The following GALNT17 variants were observed in gnomAD, a reference collection of about 807,000 sequenced individuals.
GALNT17 encodes UDP-GalNAc:polypeptide N-acetylgalactosaminyltransferase-like 3.
A neutral mutation model predicts 63.7 loss-of-function variants in GALNT17; 29 were observed. That is an observed-to-expected ratio of 0.46 (90% CI 0.34 to 0.62). The LOEUF is 0.62. Among genes scored for constraint, GALNT17 ranks in the 20% least tolerant of loss-of-function variants. GALNT17 has a pLI of 0.01. For synonymous variants in GALNT17, 305 were observed against 318.3 expected, an observed-to-expected ratio of 0.96 and a Z score of 0.45; for missense variants, 603 against 799.6, an observed-to-expected ratio of 0.75 and a Z score of 2.97.
chr7:71,571,150 AGGCTGG>A, intron 5 of GALNT17, 129 bp from the exon 6 acceptor site: 1 of 658,828 alleles, frequency 1.5e-6, no homozygotes, highest in Non-Finnish European at 2.8e-6. Flanking sequence ...AGTACATGCT[AGGCTGG>A]AACCCAGTAC....
At chr7:71,206,058 T>A (rs1789265156) in intron 1 of GALNT17, among the ~76,000 whole-genome samples, 1 of 143,120 alleles carries the variant, frequency 7.0e-6, no homozygotes, top group African/African-American at 2.6e-5. Context: ...ATATATATAT[T>A]TGACATGTCT....
At chr7:71,689,924 A>C (rs142017372) in intron 9 of GALNT17, among the ~76,000 whole-genome samples, 174 of 152,336 alleles carry the variant, frequency 1.1e-3, no homozygotes, top group African/African-American at 4.1e-3. Context: ...AGGGCCCTTA[A>C]GAATGATGCT....
At chr7:71,175,861 A>T (rs558479523) in intron 1 of GALNT17, among the ~76,000 whole-genome samples, 26 of 152,296 alleles carry the variant, frequency 1.7e-4, no homozygotes, top group Non-Finnish European at 3.1e-4. Flanking sequence ...TGTTTGTGCC[A>T]CTACCCTCCA....
intron 5 of GALNT17, among the ~76,000 whole-genome samples, chr7:71,477,805 C>G (rs1207490242): frequency 6.6e-6 from 1 of 152,142 alleles, no homozygotes; most frequent in Non-Finnish European, 1.5e-5. Flanking sequence ...GCCTCTGGTG[C>G]CTAAGCCCAC....
chr7:71,689,776 A>G (rs988752181), intron 9 of GALNT17, among the ~76,000 whole-genome samples: 3 of 152,198 alleles, frequency 2.0e-5, no homozygotes, highest in Admixed American at 1.3e-4. Context: ...GGTGCTATCT[A>G]GGACTTTCCC....
rs1787707930 is a variant in GALNT17 at position 71,132,830 on chromosome 7, C to T, written c.28C>T (p.Leu10=). 1.2e-6 allele frequency: 2 copies of T among 1,611,082 alleles called. No homozygotes were observed. The highest frequency in any genetic ancestry group is 1.7e-6 in the Non-Finnish European group (2 of 1,178,536). MASLRRVKV[L]LVLNLIAVAG... The stretch of plus-strand genomic sequence containing the variant: ...GGCTTCACTGAGAAGAGTCAAAGTG[C>T]TGTTGGTGTTGAACTTGATCGCGGT... Residue 10 remains leucine, a synonymous_variant, in exon 1 of 11, where the codon CTG becomes TTG. Transcript: ENST00000333538.
intron 5 of GALNT17, among the ~76,000 whole-genome samples, chr7:71,553,053 G>C (rs1265781474): frequency 6.6e-6 from 1 of 152,094 alleles, no homozygotes; most frequent in Non-Finnish European, 1.5e-5. Flanking sequence ...AGGCTGGTGT[G>C]GTGGCTCATG....
At chr7:71,570,046 G>C (rs1246892380) in intron 5 of GALNT17, among the ~76,000 whole-genome samples, 2 of 150,570 alleles carry the variant, frequency 1.3e-5, no homozygotes, top group Non-Finnish European at 3.0e-5. Context: ...CATCTGGTGG[G>C]TTTTGTTTTT....
chr7:71,431,204 C>CTTT (rs200842106), intron 5 of GALNT17, among the ~76,000 whole-genome samples: 1 of 136,364 alleles, frequency 7.3e-6, no homozygotes, highest in Admixed American at 7.9e-5. Context: ...TTTTTCTTTT[C>CTTT]TTTTCTTTTT....
At chr7:71,257,620 G>A (rs542800391) in intron 1 of GALNT17, among the ~76,000 whole-genome samples, 4 of 152,220 alleles carry the variant, frequency 2.6e-5, no homozygotes, top group South Asian at 4.2e-4. Flanking sequence ...GCTGAACCTC[G>A]CCTTCAGGAG....
chr7:71,563,091 C>T (rs561071879), intron 5 of GALNT17, among the ~76,000 whole-genome samples: 1 of 152,336 alleles, frequency 6.6e-6, no homozygotes, highest in South Asian at 2.1e-4. Context: ...ATTTCTGTAA[C>T]AGCACCAATA....
intron 6 of GALNT17, among the ~76,000 whole-genome samples, chr7:71,657,288 T>G (rs2117032330): frequency 6.6e-6 from 1 of 152,352 alleles, no homozygotes; most frequent in South Asian, 2.1e-4. Context: ...TATCTAAATT[T>G]TTCATGTGTA....
chr7:71,289,804 G>A (rs976720028), intron 1 of GALNT17, among the ~76,000 whole-genome samples: 1 of 152,130 alleles, frequency 6.6e-6, no homozygotes, highest in African/African-American at 2.4e-5. Context: ...GCTTGAAAGG[G>A]GGAGGCGGAG....
chr7:71,172,624 A>G (rs1788566214), intron 1 of GALNT17, among the ~76,000 whole-genome samples: 1 of 152,146 alleles, frequency 6.6e-6, no homozygotes, highest in African/African-American at 2.4e-5. Flanking sequence ...TCCAGAAGAC[A>G]CCGTAAGGAC....
chr7:71,280,670 T>C (rs1160560850), intron 1 of GALNT17, among the ~76,000 whole-genome samples: 1 of 152,204 alleles, frequency 6.6e-6, no homozygotes, highest in Non-Finnish European at 1.5e-5. Flanking sequence ...CTCCAGTCTG[T>C]CCTGTAGACA....
chr7:71,628,097 A>C (rs79987171), intron 6 of GALNT17, among the ~76,000 whole-genome samples: 1 of 145,562 alleles, frequency 6.9e-6, no homozygotes, highest in Admixed American at 6.8e-5. Flanking sequence ...AATGCCTCAT[A>C]GAGAGGTGAT....
intron 9 of GALNT17, among the ~76,000 whole-genome samples, chr7:71,678,918 C>T (rs1791192851): frequency 6.7e-6 from 1 of 149,570 alleles, no homozygotes; most frequent in Non-Finnish European, 1.5e-5. Context: ...GATCGTGCCA[C>T]CGCACTAGAG....
Position 71,504,358 on chromosome 7 carries a change from G to A in GALNT17, c.963-66927G>A, listed in dbSNP as rs756679131. Among the ~76,000 whole-genome samples the A allele has an allele frequency of 5.3e-5, 8 of 152,078 alleles. No individual in the cohort carries two copies. In the South Asian group the frequency reaches 1.2e-3, roughly 24 times the overall value. ...TGCAGTGAGCCGAGATCGTACCGCT[G>A]CACCCTGGGCGACAGAGCTAGACTC... On this transcript the variant is annotated intron_variant, in intron 5 of 10. Coordinates refer to ENST00000333538, the MANE Select transcript of GALNT17 (RefSeq NM_022479.3).
intron 5 of GALNT17, among the ~76,000 whole-genome samples, chr7:71,544,130 T>C (rs1200905733): frequency 2.1e-5 from 3 of 143,294 alleles, no homozygotes; most frequent in South Asian, 2.4e-4. Flanking sequence ...TTTTCTTTTT[T>C]TTTTTTTTTT....
Sources: allele counts gnomAD v4.1 joint callset (sites outside exome capture counted in the v4.1 genomes callset), GRCh38; gene constraint gnomAD v4.1.1; transcripts MANE v1.5; gene names NCBI Gene and HGNC (gene_info 2026-07-23, HGNC 2026-07-21).